PCDHGA5: variants seen among roughly 807,000 people sequenced by gnomAD.
PCDHGA5 encodes protocadherin gamma subfamily A, 5.
Under a neutral mutation model 56.7 loss-of-function variants are expected in PCDHGA5, and 36 were observed. That is an observed-to-expected ratio of 0.64 (90% confidence interval 0.49 to 0.84). The LOEUF is 0.84. Among genes scored for constraint, PCDHGA5 ranks in the 40% least tolerant of loss-of-function variants. PCDHGA5 has a pLI of 0.00. For synonymous variants in PCDHGA5, 563 were observed against 520.2 expected, an observed-to-expected ratio of 1.08 and a Z score of -1.12; for missense variants, 1,305 against 1,201.5, an observed-to-expected ratio of 1.09 and a Z score of -1.27.
At chr5:141,388,513 T>A in intron 1 of PCDHGA5, 2 of 1,613,840 alleles carry the variant, frequency 1.2e-6, no homozygotes, top group Non-Finnish European at 1.7e-6. Context: ...TCCTACCACT[T>A]GACTTTGACT....
chr5:141,390,728 G>A (rs550991911), intron 1 of PCDHGA5: 12 of 194,328 alleles, frequency 6.2e-5, no homozygotes, highest in Admixed American at 2.2e-4. Context: ...AATTTAACTG[G>A]TATGGTCTCC....
Position 141,431,067 on chromosome 5 carries a change from A to G in PCDHGA5, c.2422-63740A>G. The G allele has an allele frequency of 1.2e-6, 2 of 1,614,164 alleles. No homozygotes were observed. Among genetic ancestry groups the G allele is most frequent in the Non-Finnish European group, 1.7e-6 (2 of 1,179,976 alleles). Reference sequence around the variant, plus strand: ...CTCTGTATGGGGGCCATCAAGTGTCAATTAAATCTAGACATTCTGATGGAG... The same window carrying G: ...CTCTGTATGGGGGCCATCAAGTGTCGATTAAATCTAGACATTCTGATGGAG... On this transcript the variant is annotated intron_variant, in intron 1 of 3. Transcript: ENST00000518069. This position sits in a 1 kb window ranked among gnomAD's most constrained non-coding sequence, Gnocchi z 4.8.
At chr5:141,383,469 G>A (rs1779161077) in intron 1 of PCDHGA5, 1 of 1,613,786 alleles carries the variant, frequency 6.2e-7, no homozygotes, top group South Asian at 1.1e-5. Flanking sequence ...ATGAAACTAA[G>A]TACCCGGAAC....
Position 141,376,478 on chromosome 5 carries a change from G to A in PCDHGA5, c.2421+9727G>A, listed in dbSNP as rs761214015. On this transcript the variant is annotated intron_variant, in intron 1 of 3. Coordinates refer to ENST00000518069, the MANE Select transcript of PCDHGA5 (RefSeq NM_018918.3). ...TCTTCTGATAACTCAGGATTTACTT[G>A]AAACGAAAGGAGAACCCAGGCAACT... The A allele has an allele frequency of 1.9e-6, 3 of 1,614,176 alleles. No individual in the cohort carries two copies. The South Asian group carries it at 3.3e-5, about 18-fold the overall frequency.
intron 1 of PCDHGA5, chr5:141,375,741 T>C (rs1374220780): frequency 1.9e-6 from 3 of 1,614,246 alleles, no homozygotes; most frequent in South Asian, 2.2e-5. Flanking sequence ...CTGTTTGTGC[T>C]GGACCAGAAT....
At chr5:141,374,111 C>G (rs1169979924) in intron 1 of PCDHGA5, 3 of 1,576,926 alleles carry the variant, frequency 1.9e-6, no homozygotes, top group African/African-American at 1.4e-5. Context: ...GCATCCGCAG[C>G]GCAGCGAGCA....
intron 1 of PCDHGA5, chr5:141,384,851 A>G (rs1460277994): frequency 1.9e-6 from 3 of 1,613,516 alleles, no homozygotes; most frequent in East Asian, 2.2e-5. Flanking sequence ...GACCACGGTC[A>G]GCCTCCTCTG....
chr5:141,432,300 T>G lies in PCDHGA5; in HGVS notation c.2422-62507T>G, dbSNP rs1280788604. ...TCCATCAACTCCGACACTGGGGTACTGTATGCGCTGAGCTCCTTCGACTAC... is the reference window on the plus strand; with the variant it reads ...TCCATCAACTCCGACACTGGGGTACGGTATGCGCTGAGCTCCTTCGACTAC... On this transcript the variant is annotated intron_variant, in intron 1 of 3. Transcript: ENST00000518069. The surrounding 1 kb of genome is among the most constrained non-coding windows in gnomAD (Gnocchi z 6.0). 1.9e-6 allele frequency: 3 copies of G among 1,614,158 alleles called. No homozygotes were observed. The highest frequency in any genetic ancestry group is 2.5e-6 in the Non-Finnish European group (3 of 1,180,056).
At chr5:141,374,130 T>TCG (rs767453830) in intron 1 of PCDHGA5, 3 of 1,604,204 alleles carry the variant, frequency 1.9e-6, no homozygotes, top group Non-Finnish European at 2.6e-6. Flanking sequence ...CAGGTCCTGC[T>TCG]CCTCACGCTC....
intron 1 of PCDHGA5, among the ~76,000 whole-genome samples, chr5:141,434,881 A>C (rs1221252749): frequency 6.6e-6 from 1 of 151,958 alleles, no homozygotes; most frequent in Non-Finnish European, 1.5e-5. Context: ...AGATACCAAC[A>C]ACAATCCAGT....
intron 1 of PCDHGA5, chr5:141,384,222 G>A: frequency 1.2e-6 from 2 of 1,613,868 alleles, no homozygotes; most frequent in South Asian, 2.2e-5. Context: ...TATTCATGCA[G>A]GTGGCAGACA....
At chr5:141,410,440 G>C in intron 1 of PCDHGA5, 1 of 1,614,036 alleles carries the variant, frequency 6.2e-7, no homozygotes, top group Non-Finnish European at 8.5e-7. Context: ...ACAGTGAGGG[G>C]ACTTTGCCTT....
In PCDHGA5 at chr5:141,376,000, G is replaced by A. The variant is rs771269314; in HGVS notation, c.2421+9249G>A. The A allele has an allele frequency of 1.4e-5, 22 of 1,613,334 alleles. No individual in the cohort carries two copies. In the Admixed American group the frequency reaches 3.3e-4, roughly 24 times the overall value. On this transcript the variant is annotated intron_variant, in intron 1 of 3. Transcript: ENST00000518069. Reference sequence around the variant, plus strand: ...CCCTGCTGGACAGAGACGCGCTCAAGCAGAGCCTAGTGGTGGCCGTCCAGG... The same window carrying A: ...CCCTGCTGGACAGAGACGCGCTCAAACAGAGCCTAGTGGTGGCCGTCCAGG...
intron 1 of PCDHGA5, chr5:141,478,484 C>A (rs376021397): frequency 1.2e-5 from 20 of 1,613,340 alleles, no homozygotes; most frequent in Non-Finnish European, 1.4e-5. Context: ...GAACACGCTG[C>A]GGAGCTGTGA....
chr5:141,410,068 C>A, intron 1 of PCDHGA5: 1 of 1,612,950 alleles, frequency 6.2e-7, no homozygotes. Context: ...TGGGGCTGCG[C>A]ACTGGGGAGG....
rs562030939 is a variant in PCDHGA5 at position 141,365,175 on chromosome 5, G to T, written c.845G>T (p.Arg282Leu). ...AACGGGAAATTGACCTACTCTTTTC[G>T]CAATGAAGAAGAAAAAATTTCGGAG... ...GINGKLTYSF[R>L]NEEEKISETF... Residue 282 changes from arginine (R) to leucine (L), a missense_variant, in exon 1 of 4, where the codon CGC becomes CTC. By Grantham distance (102) the Arg-to-Leu change is moderately radical (BLOSUM62 -2). Transcript: ENST00000518069. 7 of 1,613,832 alleles carry T rather than the reference G, an allele frequency of 4.3e-6. No homozygotes were observed. In the African/African-American group the frequency reaches 5.3e-5, roughly 12 times the overall value.
At chr5:141,371,048 C>A in intron 1 of PCDHGA5, 2 of 1,613,890 alleles carry the variant, frequency 1.2e-6, no homozygotes, top group Non-Finnish European at 1.7e-6. Flanking sequence ...TGGATGGGGG[C>A]GAGCCCTCCA....
chr5:141,487,438 G>A lies in PCDHGA5; in HGVS notation c.2422-7369G>A, dbSNP rs2154580826. 6 of 1,614,174 alleles carry A rather than the reference G, an allele frequency of 3.7e-6. No individual in the cohort carries two copies. Among genetic ancestry groups the A allele is most frequent in the East Asian group, 2.2e-5 (1 of 44,866 alleles). On this transcript the variant is annotated intron_variant, in intron 1 of 3. Transcript: ENST00000518069. This position sits in a 1 kb window ranked among gnomAD's most constrained non-coding sequence, Gnocchi z 5.0. The stretch of plus-strand genomic sequence containing the variant: ...ATGGGATCCTCCGAATCCAGCTAGG[G>A]TCAGATGACCCTATCAAGTTTGTTG...
At chr5:141,455,583 A>G (rs1485134189) in intron 1 of PCDHGA5, among the ~76,000 whole-genome samples, 4 of 152,144 alleles carry the variant, frequency 2.6e-5, no homozygotes, top group Non-Finnish European at 2.9e-5. Context: ...CCAGCCTTTT[A>G]ATATGCAAAC....
Sources: allele counts gnomAD v4.1 joint callset (sites outside exome capture counted in the v4.1 genomes callset), GRCh38; gene constraint gnomAD v4.1.1; non-coding constraint Gnocchi (gnomAD v3.1); transcripts MANE v1.5; gene names NCBI Gene and HGNC (gene_info 2026-07-23, HGNC 2026-07-21).